RXRG: variants seen among roughly 807,000 people sequenced by gnomAD.
RXRG encodes retinoid X receptor gamma, also known as retinoic acid receptor RXR-gamma.
A neutral mutation model predicts 49.2 loss-of-function variants in RXRG; 19 were observed. The observed-to-expected ratio is 0.39, with a 90% CI of 0.27 to 0.57. The LOEUF is 0.57. Ranked by LOEUF, RXRG falls within the 20% of genes least tolerant of loss-of-function variation. The pLI is 0.64. For synonymous variants in RXRG, 224 were observed against 216.6 expected (o/e 1.03, Z -0.30); for missense variants, 452 against 592.5 (o/e 0.76, Z 2.46).
intron 9 of RXRG, among the ~76,000 whole-genome samples, chr1:165,404,506 C>T (rs1401142034): frequency 6.6e-6 from 1 of 152,224 alleles, no homozygotes; most frequent in African/African-American, 2.4e-5. Flanking sequence ...TATGTTCACA[C>T]TGCAAAATAT....
At chr1:165,409,780 T>A in intron 6 of RXRG, 90 bp from the exon 7 acceptor site, 2 of 1,179,252 alleles carry the variant, frequency 1.7e-6, no homozygotes, top group South Asian at 3.1e-5. Flanking sequence ...TTATCCCACA[T>A]AACACAAGCA....
At chr1:165,416,864 C>A (rs1658141945) in intron 4 of RXRG, among the ~76,000 whole-genome samples, 177 bp downstream of exon 4, 1 of 152,184 alleles carries the variant, frequency 6.6e-6, no homozygotes, top group Admixed American at 6.5e-5. Flanking sequence ...CACGAGTACC[C>A]AAAGTCATCC....
At chr1:165,430,925 C>A (rs927908760) in intron 1 of RXRG, among the ~76,000 whole-genome samples, 1 of 152,232 alleles carries the variant, frequency 6.6e-6, no homozygotes, top group African/African-American at 2.4e-5. Flanking sequence ...TCAAGTGCCA[C>A]CTCCTCCACA....
At chr1:165,427,796 C>T (rs1393507676) in intron 2 of RXRG, among the ~76,000 whole-genome samples, 1 of 152,160 alleles carries the variant, frequency 6.6e-6, no homozygotes, top group Non-Finnish European at 1.5e-5. Flanking sequence ...ACGATTTGAG[C>T]AGAGGCTTCA....
chr1:165,413,158 A>G (rs1190656884), intron 4 of RXRG, among the ~76,000 whole-genome samples: 3 of 152,268 alleles, frequency 2.0e-5, no homozygotes, highest in East Asian at 1.9e-4. Flanking sequence ...GTCATAAATG[A>G]GGAGTCATAT....
chr1:165,407,263 C>A (rs536769350), intron 8 of RXRG, among the ~76,000 whole-genome samples: 6 of 152,312 alleles, frequency 3.9e-5, no homozygotes, highest in Non-Finnish European at 7.3e-5. Flanking sequence ...TAAGATGGGG[C>A]ACGAAAGCTG....
chr1:165,445,102 G>C lies in RXRG; in HGVS notation c.-209C>G, dbSNP rs982856375. The C allele has an allele frequency of 3.5e-6, 2 of 574,082 alleles. No individual in the cohort carries two copies. The highest frequency in any genetic ancestry group is 3.7e-5 in the African/African-American group (2 of 53,426). The allele number at this position is 574,082 out of a possible 1,614,324, so 35.6% of individuals were successfully genotyped here. The stretch of plus-strand genomic sequence containing the variant: ...CGGAGAGTCCACATAGTGCGTTTGA[G>C]ACGGCTGTGGCGGCAGCAGCTGGTG... On this transcript the variant is annotated 5_prime_UTR_variant, in exon 1 of 10. Coordinates refer to ENST00000359842, the MANE Select transcript of RXRG (RefSeq NM_006917.5).
At chr1:165,403,647 A>G (rs1413922717) in intron 9 of RXRG, among the ~76,000 whole-genome samples, 2 of 152,202 alleles carry the variant, frequency 1.3e-5, no homozygotes, top group African/African-American at 4.8e-5. Flanking sequence ...GTAGTTAGAG[A>G]ATAAGGAGGC....
In RXRG at chr1:165,428,901, T is replaced by A. The variant is rs1394092908; in HGVS notation, c.115A>T (p.Met39Leu). Residue 39 changes from methionine (M) to leucine (L), a missense_variant, in exon 2 of 10, where the codon ATG (methionine) becomes TTG (leucine). Met to Leu is a conservative substitution (Grantham distance 15). Transcript: ENST00000359842. Reference sequence around the variant, plus strand: ...TCTGTGTAGCTGGGGTGGCTGTCCATTGGCTTCCCTGTGGACAAGGCTGCT... The same window carrying A: ...TCTGTGTAGCTGGGGTGGCTGTCCAATGGCTTCCCTGTGGACAAGGCTGCT... ...PSAALSTGKPMDSHPSYTDTP... is the reference protein window; with the variant it reads ...PSAALSTGKPLDSHPSYTDTP... The A allele has an allele frequency of 1.2e-6, 2 of 1,613,960 alleles. No individual in the cohort carries two copies. The highest frequency in any genetic ancestry group is 1.7e-6 in the Non-Finnish European group (2 of 1,179,960).
chr1:165,427,887 T>G (rs1658542911), intron 2 of RXRG, among the ~76,000 whole-genome samples: 1 of 152,184 alleles, frequency 6.6e-6, no homozygotes, highest in South Asian at 2.1e-4. Flanking sequence ...TAGCTGCCAC[T>G]CCTACTGAAA....
At chr1:165,406,785 A>G in intron 9 of RXRG, 27 bp downstream of exon 9, 3 of 1,526,210 alleles carry the variant, frequency 2.0e-6, no homozygotes, top group Non-Finnish European at 2.7e-6. Flanking sequence ...TGCTGCTGTT[A>G]CTACGATTCT....
In RXRG at chr1:165,406,843, T is replaced by C. The variant is rs1206884891; in HGVS notation, c.1213A>G (p.Thr405Ala). The C allele has an allele frequency of 6.2e-7, 1 of 1,613,820 alleles. No homozygotes were observed. The highest frequency in any genetic ancestry group is 8.5e-7 in the Non-Finnish European group (1 of 1,179,956). ...GGCTGTTCCGGATACTTCTGCTTGG[T>C]GTAGGCCTCAAGGGTGGCATAAACC... is the stretch of plus-strand genomic sequence containing the variant. Reference protein sequence around the residue: ...EKVYATLEAYTKQKYPEQPGR... With the variant: ...EKVYATLEAYAKQKYPEQPGR... The change falls in exon 9 of 10, where the codon ACC becomes GCC. Residue 405 changes from threonine to alanine, a missense_variant. Around this residue, in one of 2 missense-constraint regions of RXRG, gnomAD observed 286 missense variants for 440.9 expected, o/e 0.65. Coordinates refer to ENST00000359842, the MANE Select transcript of RXRG (RefSeq NM_006917.5).
At chr1:165,411,440 A>T (rs1232860538) in intron 4 of RXRG, among the ~76,000 whole-genome samples, 1 of 152,176 alleles carries the variant, frequency 6.6e-6, no homozygotes, top group African/African-American at 2.4e-5. Flanking sequence ...AGATCCCCAC[A>T]TTCTTGCTCT....
intron 6 of RXRG, 107 bp downstream of exon 6, chr1:165,410,595 A>G (rs1364771860): frequency 7.9e-7 from 1 of 1,265,730 alleles, no homozygotes; most frequent in Non-Finnish European, 1.1e-6. Context: ...CATCATCAGC[A>G]TGGTACATAG....
At chr1:165,439,430 A>G (rs1658914869) in intron 1 of RXRG, among the ~76,000 whole-genome samples, 1 of 152,164 alleles carries the variant, frequency 6.6e-6, no homozygotes, top group African/African-American at 2.4e-5. Context: ...TGGGGGCTAC[A>G]TGAATCCAGG....
chr1:165,434,051 C>G (rs557674978), intron 1 of RXRG, among the ~76,000 whole-genome samples: 1 of 152,118 alleles, frequency 6.6e-6, no homozygotes, highest in Non-Finnish European at 1.5e-5. Flanking sequence ...AATTTGAGCA[C>G]GGAACATGAC....
intron 7 of RXRG, 104 bp from the exon 8 acceptor site, chr1:165,408,422 G>C: frequency 1.3e-6 from 1 of 781,042 alleles, no homozygotes; most frequent in Non-Finnish European, 2.3e-6. Context: ...TCTGTTTCCA[G>C]ATGATGTACC....
At chr1:165,410,916 A>G in intron 5 of RXRG, 33 bp downstream of exon 5, 1 of 1,613,404 alleles carries the variant, frequency 6.2e-7, no homozygotes, top group African/African-American at 1.3e-5. Context: ...TACCCAAGAA[A>G]TGGAACACAC....
In RXRG at chr1:165,437,222, G is replaced by T; in HGVS notation, c.49+7623C>A. ...ACACCCTAGACCAAGAAGAATGCCA[G>T]TCAGTCAGTCAGCCAGCACGCCTGG... On this transcript the variant is annotated intron_variant, in intron 1 of 9. Transcript: ENST00000359842. The T allele has an allele frequency of 2.2e-6, 3 of 1,366,974 alleles. No individual in the cohort carries two copies. In the South Asian group the frequency reaches 3.4e-5, roughly 16 times the overall value. 84.7% of individuals were successfully genotyped at this position (1,366,974 alleles called of 1,614,324 possible). A position where few individuals can be genotyped will look rare whatever the true frequency, so the allele number is the denominator to read the frequency against.
Sources: allele counts gnomAD v4.1 joint callset (sites outside exome capture counted in the v4.1 genomes callset), GRCh38; gene constraint gnomAD v4.1.1; regional missense constraint gnomAD v4.1.1; transcripts MANE v1.5; gene names NCBI Gene and HGNC (gene_info 2026-07-23, HGNC 2026-07-21).